Variants in NUMB observed in about 807,000 individuals in gnomAD.
NUMB encodes the protein NUMB endocytic adaptor protein.
Under a neutral mutation model 59.7 loss-of-function variants are expected in NUMB, and 29 were observed. That is an observed-to-expected ratio of 0.49 (90% confidence interval 0.36 to 0.66). The LOEUF (loss-of-function observed/expected upper bound fraction) is 0.66. Ranked by LOEUF, NUMB falls within the 30% of genes least tolerant of loss-of-function variation. The pLI is 0.00. For missense variants in NUMB, 723 were observed against 822.0 expected (o/e 0.88, Z 1.47); for synonymous variants, 288 against 288.2 (o/e 1.00, Z 0.01).
chr14:73,352,477 C>CACACACATAT (rs1566756099), intron 4 of NUMB, among the ~76,000 whole-genome samples: 12 of 12,688 alleles, frequency 9.5e-4, no homozygotes, highest in Admixed American at 2.2e-3. Flanking sequence ...CACACACACA[C>CACACACATAT]ATATATATAT....
intron 6 of NUMB, chr14:73,297,487 T>C: frequency 2.3e-6 from 1 of 429,422 alleles, no homozygotes; most frequent in Non-Finnish European, 4.1e-6. Flanking sequence ...AGCCATTATT[T>C]TAGAAACACA....
chr14:73,426,570 G>A (rs930902593), intron 1 of NUMB, among the ~76,000 whole-genome samples: 7 of 152,124 alleles, frequency 4.6e-5, no homozygotes, highest in Admixed American at 6.6e-5. Flanking sequence ...AGCCAGGGCC[G>A]GGCGCGGTGG....
intron 4 of NUMB, 122 bp from the exon 5 acceptor site, chr14:73,323,326 GA>G (rs1891501524): frequency 1.7e-6 from 1 of 596,010 alleles, no homozygotes; most frequent in African/African-American, 1.9e-5. Flanking sequence ...TTTGAAATCT[GA>G]AACACTTCTG....
intron 4 of NUMB, among the ~76,000 whole-genome samples, chr14:73,353,382 T>C (rs1027783277): frequency 6.6e-6 from 1 of 151,046 alleles, no homozygotes; most frequent in African/African-American, 2.4e-5. Context: ...CCACTGTGCC[T>C]GGCCTGTCAC....
chr14:73,335,311 A>G, intron 4 of NUMB, among the ~76,000 whole-genome samples: 1 of 151,232 alleles, frequency 6.6e-6, no homozygotes, highest in Non-Finnish European at 1.5e-5. Context: ...ACAAAAAAAA[A>G]AAAAAAAAAA....
At chr14:73,353,634 C>T (rs1367757213) in intron 4 of NUMB, among the ~76,000 whole-genome samples, 1 of 47,706 alleles carries the variant, frequency 2.1e-5, no homozygotes, top group African/African-American at 1.3e-4. Flanking sequence ...ATCGTTTGAA[C>T]ACAGGAGGCG....
intron 2 of NUMB, among the ~76,000 whole-genome samples, chr14:73,406,329 G>A (rs75235034): frequency 2.1e-5 from 3 of 145,520 alleles, no homozygotes; most frequent in Middle Eastern, 7.6e-3. Flanking sequence ...CCACCTATGA[G>A]TGAGAACATG....
intron 6 of NUMB, among the ~76,000 whole-genome samples, chr14:73,310,553 T>C (rs1448017625): frequency 6.6e-6 from 1 of 152,106 alleles, no homozygotes; most frequent in African/African-American, 2.4e-5. Context: ...CAACATGGGG[T>C]AGATGAAAGA....
chr14:73,423,708 G>A (rs1461779917), intron 1 of NUMB, among the ~76,000 whole-genome samples: 1 of 152,054 alleles, frequency 6.6e-6, no homozygotes, highest in Non-Finnish European at 1.5e-5. Context: ...TACTTGGGAG[G>A]CTAAGGCAGG....
chr14:73,433,237 C>A (rs1257436885), intron 1 of NUMB, among the ~76,000 whole-genome samples: 1 of 151,932 alleles, frequency 6.6e-6, no homozygotes, highest in Non-Finnish European at 1.5e-5. Context: ...GTCTGGCCAA[C>A]ATGGCAAAAC....
intron 1 of NUMB, among the ~76,000 whole-genome samples, chr14:73,442,358 G>A (rs1201183947): frequency 4.0e-5 from 6 of 151,804 alleles, no homozygotes; most frequent in African/African-American, 1.5e-4. Context: ...GGGCTACAGA[G>A]CAAGATCCCA....
intron 4 of NUMB, among the ~76,000 whole-genome samples, chr14:73,331,543 G>A (rs1437790257): frequency 1.3e-5 from 2 of 151,844 alleles, no homozygotes; most frequent in East Asian, 1.9e-4. Context: ...GCAAGACTCC[G>A]TCTCAAAAAA....
rs754485162 is a variant in NUMB at position 73,354,508 on chromosome 14, C to A, written c.126+1118G>T. ...CCTGGGCGACACAGCAAGACTCCATCTCAAAAAAAAAAAAAAAAAAGAATA... is the reference window on the plus strand; with the variant it reads ...CCTGGGCGACACAGCAAGACTCCATATCAAAAAAAAAAAAAAAAAAGAATA... On this transcript the variant is annotated intron_variant, in intron 4 of 12. Transcript: ENST00000555238. 2.8e-3 allele frequency among the ~76,000 whole-genome samples: 309 copies of A among 109,576 alleles called. 6 individuals are homozygous for A. The highest frequency in any genetic ancestry group is 3.9e-3 in the Non-Finnish European group (220 of 56,348). 71.9% of individuals were successfully genotyped at this position (109,576 alleles called of 152,430 possible).
intron 2 of NUMB, among the ~76,000 whole-genome samples, chr14:73,395,039 G>A (rs12588721): frequency 0.046 from 1,751 of 38,120 alleles, 14 homozygotes; most frequent in African/African-American, 0.2. Context: ...TCGTGTGTTT[G>A]TGTGTGTGTG....
chr14:73,277,242 G>T lies in NUMB; in HGVS notation c.1292C>A (p.Ala431Asp), dbSNP rs1177095362. The T allele has an allele frequency of 6.2e-7, 1 of 1,611,612 alleles. No individual in the cohort carries two copies. Among genetic ancestry groups the T allele is most frequent in the Non-Finnish European group, 8.5e-7 (1 of 1,178,000 alleles). Residue 431 changes from alanine (A) to aspartate (D), a missense_variant, in exon 13 of 13, where the codon GCC becomes GAC. By Grantham distance (126) the Ala-to-Asp change is moderately radical. Around this residue, in one of 2 missense-constraint regions of NUMB, gnomAD observed 406 missense variants for 385.4 expected, o/e 1.05. Transcript: ENST00000555238. Reference sequence around the variant, plus strand: ...CTCAGAGGGAGTACGTCTATGACCGGCCTGGAAGAGACCTGGAGAGGCAGC... The same window carrying T: ...CTCAGAGGGAGTACGTCTATGACCGTCCTGGAAGAGACCTGGAGAGGCAGC... ...SGAASPGLFQ[A>D]GHRRTPSEAD... is the part of the protein sequence containing the mutation.
intron 2 of NUMB, among the ~76,000 whole-genome samples, chr14:73,368,247 A>G (rs61985809): frequency 0.16 from 23,813 of 152,038 alleles, 2,690 homozygotes; most frequent in Non-Finnish European, 0.23. Flanking sequence ...TACACAAGCA[A>G]AATTAAACTA....
At chr14:73,401,713 G>A (rs930027386) in intron 2 of NUMB, among the ~76,000 whole-genome samples, 2 of 151,742 alleles carry the variant, frequency 1.3e-5, no homozygotes, top group African/African-American at 2.4e-5. Flanking sequence ...GGGACCACAG[G>A]TGCCTGCCAC....
At chr14:73,304,879 G>A (rs939242383) in intron 6 of NUMB, among the ~76,000 whole-genome samples, 6 of 152,060 alleles carry the variant, frequency 3.9e-5, no homozygotes, top group Non-Finnish European at 8.8e-5. Flanking sequence ...TCCTGCCTCA[G>A]CCTCTCAAAT....
intron 2 of NUMB, among the ~76,000 whole-genome samples, chr14:73,386,520 G>T (rs936767246): frequency 6.6e-6 from 1 of 151,858 alleles, no homozygotes; most frequent in South Asian, 2.1e-4. Flanking sequence ...TTTGGCAATA[G>T]GTTCTCTTAT....
Sources: allele counts gnomAD v4.1 joint callset (sites outside exome capture counted in the v4.1 genomes callset), GRCh38; gene constraint gnomAD v4.1.1; regional missense constraint gnomAD v4.1.1; transcripts MANE v1.5; gene names NCBI Gene and HGNC (gene_info 2026-07-23, HGNC 2026-07-21).